The following CPEB3 variants were observed in gnomAD, a reference collection of about 807,000 sequenced individuals.
CPEB3 encodes cytoplasmic polyadenylation element binding protein 3.
Under a neutral mutation model 67.2 loss-of-function variants are expected in CPEB3, and 20 were observed. That is an observed-to-expected ratio of 0.30 (90% CI 0.21 to 0.43). The LOEUF (loss-of-function observed/expected upper bound fraction) is 0.43. CPEB3 is among the 20% of genes least tolerant of loss of function. The probability of loss-of-function intolerance (pLI) is 1.00; values close to 1 mark genes in which losing one functional copy is unlikely to be tolerated. For synonymous variants in CPEB3, 376 were observed against 393.1 expected (o/e 0.96, Z 0.51); for missense variants, 746 against 968.6 (o/e 0.77, Z 3.05).
intron 6 of CPEB3, among the ~76,000 whole-genome samples, chr10:92,141,459 C>T (rs1386640505): frequency 7.1e-6 from 1 of 140,956 alleles, no homozygotes; most frequent in African/African-American, 2.6e-5. Context: ...GGAAGGGGAA[C>T]ATCACACTCT....
chr10:92,281,393 T>C (rs1272276227), intron 1 of CPEB3, among the ~76,000 whole-genome samples: 1 of 151,954 alleles, frequency 6.6e-6, no homozygotes, highest in Non-Finnish European at 1.5e-5. Flanking sequence ...CACGCTGGCC[T>C]TTTTAAAATT....
At chr10:92,195,089 A>C (rs1251620340) in intron 2 of CPEB3, among the ~76,000 whole-genome samples, 1 of 148,982 alleles carries the variant, frequency 6.7e-6, no homozygotes, top group East Asian at 2.0e-4. Context: ...ACACGTACAA[A>C]AAAAAAACTA....
At chr10:92,168,589 C>T (rs144224742) in intron 4 of CPEB3, among the ~76,000 whole-genome samples, 1 of 151,990 alleles carries the variant, frequency 6.6e-6, no homozygotes, top group Non-Finnish European at 1.5e-5. Flanking sequence ...TTGGTTACCC[C>T]CATGCTGCTG....
intron 4 of CPEB3, among the ~76,000 whole-genome samples, chr10:92,169,144 G>GT (rs34716605): frequency 0.25 from 33,228 of 131,398 alleles, 5,711 homozygotes; most frequent in African/African-American, 0.51. Flanking sequence ...AGGTTTTGTT[G>GT]TTTTTTTTTT....
chr10:92,253,097 A>C (rs1164639063), intron 1 of CPEB3, among the ~76,000 whole-genome samples: 6 of 152,164 alleles, frequency 3.9e-5, no homozygotes, highest in Non-Finnish European at 7.3e-5. Context: ...GCTAGGGAAC[A>C]TAAAAGGGGA....
intron 7 of CPEB3, among the ~76,000 whole-genome samples, chr10:92,093,901 C>T (rs1321812314): frequency 6.6e-6 from 1 of 152,146 alleles, no homozygotes; most frequent in Admixed American, 6.5e-5. Context: ...ATTGCCCAGG[C>T]TGGAGTACAG....
At chr10:92,133,961 T>A (rs985981183) in intron 6 of CPEB3, among the ~76,000 whole-genome samples, 1 of 152,202 alleles carries the variant, frequency 6.6e-6, no homozygotes, top group Non-Finnish European at 1.5e-5. Flanking sequence ...TTGACAAAAT[T>A]CAGCAGCCCT....
chr10:92,154,395 T>C (rs1256843461), intron 4 of CPEB3, among the ~76,000 whole-genome samples: 4 of 152,172 alleles, frequency 2.6e-5, no homozygotes, highest in Non-Finnish European at 4.4e-5. Flanking sequence ...TATTCTTTCA[T>C]GTCATTCTTC....
intron 1 of CPEB3, among the ~76,000 whole-genome samples, chr10:92,249,372 C>A (rs927135877): frequency 8.3e-6 from 1 of 119,804 alleles, no homozygotes; most frequent in Non-Finnish European, 1.8e-5. Flanking sequence ...AGCGAGACTC[C>A]GTCTCAAAAA....
chr10:92,259,400 G>A (rs967496758), intron 1 of CPEB3, among the ~76,000 whole-genome samples: 7 of 151,812 alleles, frequency 4.6e-5, no homozygotes, highest in Admixed American at 2.6e-4. Context: ...TCAGGAGTTC[G>A]AGATAAGCCT....
intron 2 of CPEB3, among the ~76,000 whole-genome samples, chr10:92,222,875 T>G (rs1481313682): frequency 6.6e-6 from 1 of 152,192 alleles, no homozygotes; most frequent in Non-Finnish European, 1.5e-5. Flanking sequence ...ATGCCTTGTA[T>G]TAGAACAGCA....
intron 2 of CPEB3, among the ~76,000 whole-genome samples, chr10:92,194,126 A>T (rs1322451444): frequency 6.6e-6 from 1 of 151,448 alleles, no homozygotes; most frequent in Non-Finnish European, 1.5e-5. Context: ...AGTAAGTTAC[A>T]TATATTGGAT....
At chr10:92,063,283 C>T (rs1241175154) in intron 9 of CPEB3, among the ~76,000 whole-genome samples, 1 of 152,196 alleles carries the variant, frequency 6.6e-6, no homozygotes, top group Non-Finnish European at 1.5e-5. Context: ...AGAATAGACA[C>T]TAGGGAGACC....
intron 4 of CPEB3, 118 bp from the exon 5 acceptor site, chr10:92,145,203 C>CA (rs1042650710): frequency 7.2e-4 from 804 of 1,122,682 alleles, no homozygotes; most frequent in Middle Eastern, 1.1e-3. Flanking sequence ...GAGAAGCATA[C>CA]AAAAAAAAAG....
Position 92,240,210 on chromosome 10 carries a change from C to A in CPEB3, c.141G>T (p.Pro47=). ...STPLSSETPK[P]EENSAVPALS... Reference sequence around the variant, plus strand: ...GGGCCGGCACTGCGCTGTTTTCCTCCGGCTTGGGGGTCTCTGAGGAGAGGG... The same window carrying A: ...GGGCCGGCACTGCGCTGTTTTCCTCAGGCTTGGGGGTCTCTGAGGAGAGGG... Residue 47 remains proline (P), a synonymous_variant, in exon 2 of 10, where the codon CCG becomes CCT. Coordinates refer to ENST00000265997, the MANE Select transcript of CPEB3 (RefSeq NM_014912.5). 6.6e-7 allele frequency: 1 copy of A among 1,512,212 alleles called. No individual in the cohort carries two copies. The highest frequency in any genetic ancestry group is 8.9e-7 in the Non-Finnish European group (1 of 1,127,390). The allele number at this position is 1,512,212 out of a possible 1,614,324, so 93.7% of individuals were successfully genotyped here.
chr10:92,260,536 A>G (rs1412371428), intron 1 of CPEB3, among the ~76,000 whole-genome samples: 2 of 147,790 alleles, frequency 1.4e-5, no homozygotes, highest in African/African-American at 2.6e-5. Context: ...GGGCAACAAG[A>G]GCAAAACTCC....
chr10:92,084,631 GTGCAGTGGTGCAATCT>G (rs1352414904), intron 8 of CPEB3, among the ~76,000 whole-genome samples: 1 of 152,108 alleles, frequency 6.6e-6, no homozygotes, highest in East Asian at 1.9e-4. Flanking sequence ...CCAGGCTGGA[GTGCAGTGGTGCAATCT>G]TGGCTCACTG....
At chr10:92,187,521 G>C (rs993695582) in intron 3 of CPEB3, among the ~76,000 whole-genome samples, 9 of 152,118 alleles carry the variant, frequency 5.9e-5, no homozygotes, top group African/African-American at 2.2e-4. Flanking sequence ...TGCTATACTG[G>C]GCTTCCCCAG....
chr10:92,276,841 C>A (rs1054888583), intron 1 of CPEB3, among the ~76,000 whole-genome samples: 22 of 152,154 alleles, frequency 1.4e-4, no homozygotes, highest in African/African-American at 4.8e-4. Context: ...CACATTCTTG[C>A]CAATTCTTGT....
Sources: allele counts gnomAD v4.1 joint callset (sites outside exome capture counted in the v4.1 genomes callset), GRCh38; gene constraint gnomAD v4.1.1; transcripts MANE v1.5; gene names NCBI Gene and HGNC (gene_info 2026-07-23, HGNC 2026-07-21).